Variants in SHF observed in about 807,000 individuals in gnomAD.
SHF encodes the protein SH2 domain-containing adapter protein F.
Under a neutral mutation model 42.4 loss-of-function variants are expected in SHF, and 30 were observed. The ratio of observed to expected loss-of-function variants is 0.71; its 90% CI spans 0.53 to 0.96. The LOEUF is 0.96. Ranked by LOEUF, SHF falls within the 40% of genes least tolerant of loss-of-function variation. The pLI is 0.00. For missense variants in SHF, 598 were observed against 634.0 expected (o/e 0.94, Z 0.61); for synonymous variants, 264 against 269.9 (o/e 0.98, Z 0.21).
chr15:45,194,320 G>A (rs1898800822), intron 2 of SHF, among the ~76,000 whole-genome samples: 1 of 151,798 alleles, frequency 6.6e-6, no homozygotes, highest in Non-Finnish European at 1.5e-5. Context: ...ACTATTGGGA[G>A]CCTTTTCAAG....
rs1898962794 is a variant in SHF, at chr15:45,198,708, C to T, written c.303+64G>A. On this transcript the variant is annotated intron_variant, in intron 2 of 7. Coordinates refer to the SHF transcript ENST00000290894. ...ACCGGGGACCCGTAGGGGTTGGCTT[C>T]TGATTATCCTCTTCAACAGTCATAG... is the stretch of plus-strand genomic sequence containing the variant. The T allele has an allele frequency of 3.2e-6, 5 of 1,539,550 alleles. No homozygotes were observed. The South Asian group carries it at 3.7e-5, about 11-fold the overall frequency.
At chr15:45,199,081 GCGGTGACC>G in exon 2 of SHF, 1 of 1,567,044 alleles carries the variant, frequency 6.4e-7, no homozygotes, top group Non-Finnish European at 8.7e-7. Flanking sequence ...GCATCCTCCA[GCGGTGACC>G]CAATGCCGCC....
intron 1 of SHF, among the ~76,000 whole-genome samples, chr15:45,183,174 C>A (rs557845182): frequency 1.3e-5 from 2 of 152,318 alleles, no homozygotes; most frequent in South Asian, 4.1e-4. Flanking sequence ...CTGGTAGGTG[C>A]TGAGGGTCCA....
chr15:45,177,033 G>C (rs1232394499), intron 2 of SHF, among the ~76,000 whole-genome samples: 2 of 152,160 alleles, frequency 1.3e-5, no homozygotes, highest in Non-Finnish European at 2.9e-5. Context: ...GTTTCCAAGA[G>C]CTCCATGGAA....
In SHF at chr15:45,175,271, C is replaced by T. The variant is rs1897737569; in HGVS notation, c.795G>A (p.Glu265=). ...TCTTCCACTCCCAGGGCTGGTCATA[C>T]TCCTCAGGGGGCCTCTCATCATCCT... ...LPEDDERPPE[E]YDQPWEWKKE... is the part of the protein sequence containing the mutation. The change falls in exon 3 of 7, where the codon GAG becomes GAA. Residue 265 remains glutamate, a synonymous_variant. Coordinates refer to ENST00000690270, the MANE Select transcript of SHF (RefSeq NM_001394037.1). The T allele has an allele frequency of 2.5e-6, 4 of 1,611,880 alleles. No individual in the cohort carries two copies. The highest frequency in any genetic ancestry group is 2.5e-6 in the Non-Finnish European group (3 of 1,179,230).
At chr15:45,173,981 C>A (rs1321741260) in intron 3 of SHF, among the ~76,000 whole-genome samples, 1 of 152,084 alleles carries the variant, frequency 6.6e-6, no homozygotes, top group Non-Finnish European at 1.5e-5. Flanking sequence ...ACTGTCAGCC[C>A]GTGGGTCCCC....
At position 45,172,013 on chromosome 15, in the gene SHF, G is replaced by A; in HGVS notation, c.1161-11C>T. 5 of 1,613,922 alleles carry A rather than the reference G, an allele frequency of 3.1e-6. No individual in the cohort carries two copies. The highest frequency in any genetic ancestry group is 4.2e-6 in the Non-Finnish European group (5 of 1,179,852). ...GCCCCGTGATACCAGCTAAGGATGA[G>A]AGAGAGGAAGGGGGGCATCTCTGCT... On this transcript the variant is annotated splice_polypyrimidine_tract_variant and intron_variant, in intron 5 of 6. Transcript: ENST00000690270.
At chr15:45,194,787 C>T (rs1292711311) in intron 2 of SHF, among the ~76,000 whole-genome samples, 1 of 152,166 alleles carries the variant, frequency 6.6e-6, no homozygotes, top group Non-Finnish European at 1.5e-5. Flanking sequence ...AACCTTACTC[C>T]TTTTAGTTGG....
chr15:45,181,877 G>T (rs185175885), intron 1 of SHF, among the ~76,000 whole-genome samples: 1 of 152,186 alleles, frequency 6.6e-6, no homozygotes, highest in African/African-American at 2.4e-5. Context: ...ATAAAACCAC[G>T]GCTGGTATTT....
intron 1 of SHF, among the ~76,000 whole-genome samples, chr15:45,184,463 G>A (rs78653985): frequency 0.05 from 7,536 of 152,222 alleles, 649 homozygotes; most frequent in African/African-American, 0.17. Flanking sequence ...ATTTCTGGCG[G>A]TTCATGAAGC....
At chr15:45,198,953 G>T in exon 2 of SHF, 1 of 1,613,904 alleles carries the variant, frequency 6.2e-7, no homozygotes, top group Admixed American at 1.7e-5. Context: ...ATGGGGCTGG[G>T]CGGAACTCAG....
chr15:45,168,029 T>C lies in SHF; in HGVS notation c.1385A>G (p.His462Arg), dbSNP rs1400240005. The stretch of plus-strand genomic sequence containing the variant: ...GGGTAGCTTGCGGCTGGCATAGTGG[T>C]GCACAATTTCAGGGACGCTGCTGAA... Reference protein sequence around the residue: ...PPFSSVPEIVHHYASRKLPIK... With the variant: ...PPFSSVPEIVRHYASRKLPIK... The change falls in exon 7 of 7, where the codon CAC becomes CGC. Residue 462 changes from histidine (H) to arginine (R), a missense_variant. Physicochemically the swap from His to Arg is conservative, Grantham distance 29 (BLOSUM62 0). Transcript: ENST00000690270. The C allele has an allele frequency of 6.8e-6, 11 of 1,613,564 alleles. No homozygotes were observed. The highest frequency in any genetic ancestry group is 9.3e-6 in the Non-Finnish European group (11 of 1,179,712).
chr15:45,168,412 C>A (rs187008638), intron 6 of SHF, among the ~76,000 whole-genome samples: 1 of 152,288 alleles, frequency 6.6e-6, no homozygotes, highest in Admixed American at 6.5e-5. Flanking sequence ...AACTGAGCGA[C>A]CAGCACCTCC....
At chr15:45,198,806 A>G in exon 2 of SHF, 2 of 1,613,816 alleles carry the variant, frequency 1.2e-6, no homozygotes, top group Non-Finnish European at 1.7e-6. Context: ...GAGTCTGATA[A>G]TGCGCAGGCG....
intron 2 of SHF, chr15:45,198,548 A>G (rs1898944588): frequency 1.9e-6 from 1 of 524,956 alleles, no homozygotes; most frequent in Admixed American, 3.6e-5. Flanking sequence ...TTTATATAAA[A>G]TGTTACAAAA....
At chr15:45,198,984 G>C (rs960838213) in exon 2 of SHF, 6 of 1,612,752 alleles carry the variant, frequency 3.7e-6, no homozygotes, top group Non-Finnish European at 5.1e-6. Flanking sequence ...GGGGATGCCC[G>C]TTTCCTATGC....
At chr15:45,183,607 G>A (rs932731323) in intron 1 of SHF, among the ~76,000 whole-genome samples, 4 of 152,204 alleles carry the variant, frequency 2.6e-5, no homozygotes, top group African/African-American at 9.6e-5. Context: ...TGGGCAGCAG[G>A]TATCCTCCAA....
upstream of SHF, among the ~76,000 whole-genome samples, chr15:45,192,075 G>C (rs1898722539): frequency 6.6e-6 from 1 of 151,228 alleles, no homozygotes; most frequent in South Asian, 2.1e-4. Flanking sequence ...CAAATATCAT[G>C]ACACTTTGGT....
upstream of SHF, among the ~76,000 whole-genome samples, chr15:45,191,548 A>C (rs1384400332): frequency 6.6e-6 from 1 of 152,226 alleles, no homozygotes; most frequent in Non-Finnish European, 1.5e-5. Context: ...GTAAGGAAGC[A>C]TGGGTGCTCC....
Sources: gnomAD v4.1 joint callset for allele counts (sites outside exome capture counted in the v4.1 genomes callset) on GRCh38, gnomAD v4.1.1 for gene constraint, MANE v1.5 for transcripts, NCBI Gene and HGNC (gene_info 2026-07-23, HGNC 2026-07-21) for gene names.